The following ESD variants were observed in gnomAD, a reference collection of about 807,000 sequenced individuals.
The protein encoded by ESD is S-formylglutathione hydrolase.
Under a neutral mutation model 38.1 loss-of-function variants are expected in ESD, and 34 were observed. The observed-to-expected ratio is 0.89, with a 90% CI of 0.68 to 1.19. The LOEUF is 1.19. ESD is among the 50% of genes most tolerant of loss of function. The pLI, the probability that ESD is intolerant of heterozygous loss-of-function variation, is 0.00. For missense variants in ESD, 334 were observed against 327.2 expected (o/e 1.02, Z -0.16); for synonymous variants, 97 against 107.0 (o/e 0.91, Z 0.58).
intron 3 of ESD, 35 bp from the exon 4 acceptor site, chr13:46,787,144 GCCCCT>G: frequency 2.4e-6 from 3 of 1,236,926 alleles, no homozygotes; most frequent in Non-Finnish European, 3.5e-6. Flanking sequence ...AAATATTAAT[GCCCCT>G]CATTAATCAA....
chr13:46,782,460 A>G (rs1875036136), intron 6 of ESD, among the ~76,000 whole-genome samples: 1 of 151,854 alleles, frequency 6.6e-6, no homozygotes, highest in Non-Finnish European at 1.5e-5. Context: ...TAGTATAAAC[A>G]GGTCTCAATA....
chr13:46,780,194 G>C (rs1593406047), intron 7 of ESD, among the ~76,000 whole-genome samples, 161 bp from the exon 8 acceptor site: 1 of 151,568 alleles, frequency 6.6e-6, no homozygotes, highest in East Asian at 1.9e-4. Flanking sequence ...TTGATATATT[G>C]CTGGCTTAGA....
rs372086572 is a variant in ESD at position 46,771,516 on chromosome 13, T to A, written c.769-20A>T. On this transcript the variant is annotated intron_variant, in intron 9 of 9. Coordinates refer to ENST00000378720, the MANE Select transcript of ESD (RefSeq NM_001984.2). Reference sequence around the variant, plus strand: ...ATAACCCTAGAAGATAAAGAGATGATAAGACATTTATCTACCATTCAGGAA... The same window carrying A: ...ATAACCCTAGAAGATAAAGAGATGAAAAGACATTTATCTACCATTCAGGAA... 1 of 1,461,694 alleles carries A rather than the reference T, an allele frequency of 6.8e-7. No individual in the cohort carries two copies. Among genetic ancestry groups the A allele is most frequent in the African/African-American group, 1.4e-5 (1 of 71,626 alleles). 90.5% of individuals were successfully genotyped at this position (1,461,694 alleles called of 1,614,324 possible). A position where few individuals can be genotyped will look rare whatever the true frequency, so the allele number is the denominator to read the frequency against.
intron 9 of ESD, among the ~76,000 whole-genome samples, chr13:46,772,114 G>T (rs1392131290): frequency 6.6e-6 from 1 of 152,160 alleles, no homozygotes; most frequent in East Asian, 1.9e-4. Flanking sequence ...CATAAATCCT[G>T]TTAACAATTC....
At chr13:46,776,144 C>T (rs1422137652) in intron 9 of ESD, 2 of 153,308 alleles carry the variant, frequency 1.3e-5, no homozygotes, top group Non-Finnish European at 2.9e-5. Context: ...TTGGATTTCT[C>T]AAGGCTGGTT....
chr13:46,793,491 C>T (rs142956263), intron 1 of ESD, 47 bp from the exon 2 acceptor site: 91 of 152,682 alleles, frequency 6.0e-4, no homozygotes, highest in African/African-American at 2.0e-3. Flanking sequence ...CTTTTCACAG[C>T]AAAGGTTATA....
intron 4 of ESD, among the ~76,000 whole-genome samples, chr13:46,785,237 A>G (rs1314720369): frequency 6.6e-6 from 1 of 152,012 alleles, no homozygotes; most frequent in Non-Finnish European, 1.5e-5. Context: ...ATAGGTATCT[A>G]ATACTACAAT....
chr13:46,777,096 G>A (rs1436110591), intron 9 of ESD: 1 of 157,526 alleles, frequency 6.3e-6, no homozygotes, highest in Non-Finnish European at 1.4e-5. Flanking sequence ...CATAAAATAA[G>A]GAGTAATTTA....
intron 5 of ESD, among the ~76,000 whole-genome samples, chr13:46,783,661 T>C (rs1004757131): frequency 1.3e-5 from 2 of 151,960 alleles, no homozygotes; most frequent in African/African-American, 4.8e-5. Flanking sequence ...AAAGGAAATA[T>C]ACTACTTGCC....
intron 5 of ESD, among the ~76,000 whole-genome samples, chr13:46,783,038 C>A (rs1236506981): frequency 2.0e-5 from 3 of 151,920 alleles, no homozygotes; most frequent in Non-Finnish European, 4.4e-5. Context: ...ATTCAGCTGC[C>A]AAGGTAAGAT....
chr13:46,772,239 G>C (rs1874631889), intron 9 of ESD, among the ~76,000 whole-genome samples: 1 of 152,100 alleles, frequency 6.6e-6, no homozygotes, highest in Admixed American at 6.6e-5. Context: ...AAACTAACAT[G>C]AAACAGAGAA....
intron 7 of ESD, among the ~76,000 whole-genome samples, chr13:46,781,274 T>A (rs963196189): frequency 6.6e-6 from 1 of 151,710 alleles, no homozygotes; most frequent in Non-Finnish European, 1.5e-5. Flanking sequence ...ATACTTCCAG[T>A]AGGCCAATAA....
intron 2 of ESD, among the ~76,000 whole-genome samples, chr13:46,792,950 T>C (rs774853365): frequency 1.3e-5 from 2 of 152,072 alleles, no homozygotes; most frequent in Admixed American, 6.5e-5. Context: ...GATGGTACAC[T>C]GAGCACGTAT....
At chr13:46,786,830 T>C (rs1875209762) in intron 4 of ESD, among the ~76,000 whole-genome samples, 191 bp downstream of exon 4, 1 of 151,970 alleles carries the variant, frequency 6.6e-6, no homozygotes, top group Non-Finnish European at 1.5e-5. Flanking sequence ...TAGAAAAATA[T>C]ATGAAATAAA....
At chr13:46,788,101 T>C (rs1178147916) in intron 3 of ESD, among the ~76,000 whole-genome samples, 1 of 152,052 alleles carries the variant, frequency 6.6e-6, no homozygotes, top group Non-Finnish European at 1.5e-5. Flanking sequence ...TTATAAATGC[T>C]ATTCAGAGAT....
chr13:46,783,266 A>C (rs1229019688), intron 5 of ESD, among the ~76,000 whole-genome samples: 1 of 151,934 alleles, frequency 6.6e-6, no homozygotes, highest in Non-Finnish European at 1.5e-5. Flanking sequence ...ACTATCTTGA[A>C]CTGAAAATGT....
rs372693154 is a variant in ESD, at chr13:46,786,915, T to C, written c.157+106A>G. ...GACTATGACAGGTCCTTAAAGTCTT[T>C]CATAAATGGCTCAAAAAGCCTACCA... On this transcript the variant is annotated intron_variant, in intron 4 of 9. Transcript: ENST00000378720. 1.2e-4 allele frequency: 67 copies of C among 568,866 alleles called. 3 individuals are homozygous for C. In the South Asian group the frequency reaches 3.1e-3, roughly 26 times the overall value. 35.2% of individuals were successfully genotyped at this position (568,866 alleles called of 1,614,324 possible).
intron 3 of ESD, among the ~76,000 whole-genome samples, chr13:46,789,316 T>C (rs968968318): frequency 1.3e-5 from 2 of 152,226 alleles, no homozygotes; most frequent in Admixed American, 6.5e-5. Flanking sequence ...ATCTTCATTC[T>C]ACTCTCACTT....
At chr13:46,787,199 A>T in intron 3 of ESD, 90 bp from the exon 4 acceptor site, 1 of 648,262 alleles carries the variant, frequency 1.5e-6, no homozygotes, top group Non-Finnish European at 2.4e-6. Context: ...AAAAAGTAAG[A>T]TATATACTAA....
Sources: allele counts gnomAD v4.1 joint callset (sites outside exome capture counted in the v4.1 genomes callset), GRCh38; gene constraint gnomAD v4.1.1; transcripts MANE v1.5; gene names NCBI Gene and HGNC (gene_info 2026-07-23, HGNC 2026-07-21).